SNX31: variants seen among roughly 807,000 people sequenced by gnomAD.
SNX31 encodes the protein sorting nexin 31.
A neutral mutation model predicts 65.4 loss-of-function variants in SNX31; 58 were observed. The ratio of observed to expected loss-of-function variants is 0.89; its 90% CI spans 0.72 to 1.10. SNX31 has a LOEUF of 1.10. Ranked by LOEUF, SNX31 falls within the 50% of genes least tolerant of loss-of-function variation. The pLI is 0.00. For synonymous variants in SNX31, 181 were observed against 190.1 expected (o/e 0.95, Z 0.39); for missense variants, 523 against 529.7 (o/e 0.99, Z 0.12).
intron 12 of SNX31, among the ~76,000 whole-genome samples, chr8:100,583,231 C>G (rs144099480): frequency 0.025 from 3,768 of 151,612 alleles, 79 homozygotes; most frequent in Non-Finnish European, 0.039. Context: ...CTCAGCCTCC[C>G]CAGTAGCTGG....
chr8:100,613,008 C>T lies in SNX31; in HGVS notation c.510G>A (p.Glu170=), dbSNP rs746626079. 9 of 1,614,086 alleles carry T rather than the reference C, an allele frequency of 5.6e-6. No homozygotes were observed. The East Asian group carries it at 1.8e-4, about 32-fold the overall frequency. ...CTTCCTTCTTACCAGAGAGCTTGCC[C>T]TCCTTGCCAAACCGAATGAGAAAGA... The part of the protein sequence containing the change: ...FGLFLIRFGK[E]GKLSVVKKLA... Residue 170 remains glutamate (E), a synonymous_variant, in exon 6 of 14, where the codon GAG becomes GAA. Coordinates refer to ENST00000311812, the MANE Select transcript of SNX31 (RefSeq NM_152628.4). The surrounding 1 kb of genome is among the most constrained non-coding windows in gnomAD (Gnocchi z 5.2).
intron 4 of SNX31, among the ~76,000 whole-genome samples, chr8:100,628,813 GGTGTGTGTGT>G (rs35911139): frequency 2.3e-4 from 33 of 144,090 alleles, no homozygotes; most frequent in African/African-American, 5.1e-4. Context: ...AAATAAAATG[GGTGTGTGTGT>G]GTGTGTGTGT....
intron 10 of SNX31, among the ~76,000 whole-genome samples, chr8:100,595,293 C>G (rs976214871): frequency 2.0e-5 from 3 of 149,552 alleles, no homozygotes; most frequent in Non-Finnish European, 4.4e-5. Flanking sequence ...GCTGTGAGTG[C>G]GGAGATAGAG....
rs1190582186 is a variant in SNX31, at chr8:100,622,161, C to T, written c.322-4431G>A. On this transcript the variant is annotated intron_variant, in intron 4 of 13. Coordinates refer to ENST00000311812, the MANE Select transcript of SNX31 (RefSeq NM_152628.4). The surrounding 1 kb of genome is among the most constrained non-coding windows in gnomAD (Gnocchi z 5.0). ...ATGCTTATTTGTAGAATGTTGTTGG[C>T]TTTTTTTTCACGCTTAATTAGTTTA... Among the ~76,000 whole-genome samples, 2 of 151,976 alleles carry T rather than the reference C, an allele frequency of 1.3e-5. No individual in the cohort carries two copies. The highest frequency in any genetic ancestry group is 4.8e-5 in the African/African-American group (2 of 41,388).
intron 1 of SNX31, among the ~76,000 whole-genome samples, chr8:100,655,145 G>A (rs963879014): frequency 5.9e-5 from 9 of 152,138 alleles, no homozygotes; most frequent in African/African-American, 2.2e-4. Flanking sequence ...GCACGGTGAC[G>A]TCCGGTCTGC....
intron 3 of SNX31, among the ~76,000 whole-genome samples, chr8:100,634,756 T>TAAAAAAAAAAAAA (rs548613299): frequency 0.04 from 5,603 of 140,598 alleles, 164 homozygotes; most frequent in East Asian, 0.076. Flanking sequence ...CTCTCTGTCT[T>TAAAAAAAAAAAAA]AAAAAAAAAA....
intron 9 of SNX31, 125 bp downstream of exon 9, chr8:100,600,224 A>G: frequency 1.4e-6 from 1 of 724,366 alleles, no homozygotes. Flanking sequence ...AGATATTCTT[A>G]TTTTTTTAAA....
intron 10 of SNX31, among the ~76,000 whole-genome samples, chr8:100,592,250 G>A (rs1814653681): frequency 6.6e-6 from 1 of 152,048 alleles, no homozygotes; most frequent in Non-Finnish European, 1.5e-5. Flanking sequence ...GATCTAAACA[G>A]AACTTCTAGA....
intron 9 of SNX31, among the ~76,000 whole-genome samples, chr8:100,599,500 G>A (rs1003266681): frequency 2.0e-5 from 3 of 151,868 alleles, no homozygotes; most frequent in African/African-American, 7.3e-5. Flanking sequence ...CTGGCAGGTG[G>A]GGGGGATATT....
At chr8:100,618,805 C>T (rs952152630) in intron 4 of SNX31, 1 of 169,160 alleles carries the variant, frequency 5.9e-6, no homozygotes, top group African/African-American at 2.4e-5. Context: ...GTGCCCCACC[C>T]TCCCAGCACC....
At chr8:100,615,933 C>A (rs1294755706) in intron 5 of SNX31, among the ~76,000 whole-genome samples, 1 of 151,346 alleles carries the variant, frequency 6.6e-6, no homozygotes, top group Non-Finnish European at 1.5e-5. Flanking sequence ...CCACGCCCGG[C>A]TAATTTTTTT....
chr8:100,661,199 T>C (rs1280329292), intron 1 of SNX31, among the ~76,000 whole-genome samples: 2 of 152,218 alleles, frequency 1.3e-5, no homozygotes, highest in East Asian at 3.9e-4. Flanking sequence ...AGAGACGAGG[T>C]TTCACCATGT....
chr8:100,577,250 C>T (rs1352891683), intron 12 of SNX31, among the ~76,000 whole-genome samples, 175 bp from the exon 13 acceptor site: 2 of 152,216 alleles, frequency 1.3e-5, no homozygotes, highest in Non-Finnish European at 1.5e-5. Flanking sequence ...TTGTCAGGGT[C>T]TAAATGTTAC....
chr8:100,602,502 GT>G (rs1290815167), intron 8 of SNX31, among the ~76,000 whole-genome samples: 1 of 152,136 alleles, frequency 6.6e-6, no homozygotes, highest in African/African-American at 2.4e-5. Flanking sequence ...TATATACTAT[GT>G]TTTTTCCTGC....
rs963671349 is a variant in SNX31, at chr8:100,625,328, G to T, written c.321+4999C>A. 1.3e-5 allele frequency among the ~76,000 whole-genome samples: 2 copies of T among 151,760 alleles called. No homozygotes were observed. The highest frequency in any genetic ancestry group is 1.3e-4 in the Admixed American group (2 of 15,228). ...TTTCCCTTGTAGAGAAATGACAGCG[G>T]CCCATCATTGCATGTGATGGAGGTT... On this transcript the variant is annotated intron_variant, in intron 4 of 13. Transcript: ENST00000311812. This position sits in a 1 kb window ranked among gnomAD's most constrained non-coding sequence, Gnocchi z 4.2.
chr8:100,586,819 A>T (rs1214481007), intron 11 of SNX31, among the ~76,000 whole-genome samples: 1 of 152,234 alleles, frequency 6.6e-6, no homozygotes, highest in Non-Finnish European at 1.5e-5. Context: ...TGATCACCAG[A>T]GACTCAAGTT....
Position 100,646,151 on chromosome 8 carries a change from T to C in SNX31, c.141+3123A>G, listed in dbSNP as rs1325049623. Among the ~76,000 whole-genome samples the C allele has an allele frequency of 3.3e-5, 5 of 152,094 alleles. 1 individual carries two copies. Among genetic ancestry groups the C allele is most frequent in the Admixed American group, 1.3e-4 (2 of 15,270 alleles). On this transcript the variant is annotated intron_variant, in intron 2 of 13. Transcript: ENST00000311812. ...AACCACCTGACAAAAGGCAGATTCA[T>C]AGGAGGAAAGGCATACAAATTTACT...
In SNX31 at chr8:100,613,251, C is replaced by T. The variant is rs1078186; in HGVS notation, c.433-166G>A. On this transcript the variant is annotated intron_variant, in intron 5 of 13. Transcript: ENST00000311812. This position sits in a 1 kb window ranked among gnomAD's most constrained non-coding sequence, Gnocchi z 5.2. ...TTTGGAATCAAAAAATGGTATCCAT[C>T]TTAGAAAATTTTAAAACACAAAAAA... Among the ~76,000 whole-genome samples, 68,261 of 151,978 alleles carry T rather than the reference C, an allele frequency of 0.45. 15,688 individuals are homozygous for T. The highest frequency in any genetic ancestry group is 0.51 in the Admixed American group (7,822 of 15,270).
intron 1 of SNX31, chr8:100,657,986 C>T (rs1563594958): frequency 2.8e-6 from 1 of 357,750 alleles, no homozygotes; most frequent in African/African-American, 2.2e-5. Context: ...AGATCCTTGG[C>T]ATTTTGTTTA....
Sources: gnomAD v4.1 joint callset for allele counts (sites outside exome capture counted in the v4.1 genomes callset) on GRCh38, gnomAD v4.1.1 for gene constraint, Gnocchi (gnomAD v3.1) non-coding constraint, MANE v1.5 for transcripts, NCBI Gene and HGNC (gene_info 2026-07-23, HGNC 2026-07-21) for gene names.